The following ZNF804B variants were observed in gnomAD, a reference collection of about 807,000 sequenced individuals.
ZNF804B encodes zinc finger 804B.
In ZNF804B, 80 loss-of-function variants were observed where a neutral mutation model predicts 101.4. The ratio of observed to expected loss-of-function variants is 0.79; its 90% CI spans 0.66 to 0.95. The LOEUF (loss-of-function observed/expected upper bound fraction) is 0.95, where lower values mean the gene tolerates loss of function less well. ZNF804B is among the 40% of genes least tolerant of loss of function. ZNF804B has a pLI of 0.00. For missense variants in ZNF804B, 1,673 were observed against 1,561.9 expected (o/e 1.07, Z -1.20); for synonymous variants, 622 against 558.8 (o/e 1.11, Z -1.59).
At chr7:88,850,455 A>T (rs940432502) in intron 1 of ZNF804B, among the ~76,000 whole-genome samples, 5 of 152,128 alleles carry the variant, frequency 3.3e-5, no homozygotes, top group Admixed American at 2.6e-4. Context: ...GTATATGTGA[A>T]AATCATCTGA....
intron 2 of ZNF804B, among the ~76,000 whole-genome samples, chr7:89,265,508 CAAATT>C (rs1414044816): frequency 6.6e-6 from 1 of 152,114 alleles, no homozygotes; most frequent in Admixed American, 6.5e-5. Flanking sequence ...AGATTGGACT[CAAATT>C]AGTTAAAGCC....
chr7:88,951,038 T>A (rs886701370), intron 1 of ZNF804B, among the ~76,000 whole-genome samples: 6 of 151,882 alleles, frequency 4.0e-5, no homozygotes, highest in African/African-American at 1.4e-4. Context: ...AGTGTTCTTT[T>A]AAATGCCACC....
intron 2 of ZNF804B, among the ~76,000 whole-genome samples, chr7:89,243,918 A>G (rs192807594): frequency 1.4e-3 from 215 of 152,098 alleles, no homozygotes; most frequent in African/African-American, 4.9e-3. Flanking sequence ...AGCAGCTTTT[A>G]TATTTCCAAA....
At chr7:89,149,342 C>T (rs1472283796) in intron 1 of ZNF804B, among the ~76,000 whole-genome samples, 2 of 152,012 alleles carry the variant, frequency 1.3e-5, no homozygotes, top group African/African-American at 4.8e-5. Context: ...AAGCCTTGGT[C>T]AAGAATTTCA....
chr7:88,774,377 C>T (rs1430530243), intron 1 of ZNF804B, among the ~76,000 whole-genome samples: 1 of 151,828 alleles, frequency 6.6e-6, no homozygotes, highest in Non-Finnish European at 1.5e-5. Context: ...AGATGTAAGA[C>T]TGAGAGGAAA....
chr7:88,991,868 A>G (rs1162580203), intron 1 of ZNF804B, among the ~76,000 whole-genome samples: 1 of 152,144 alleles, frequency 6.6e-6, no homozygotes, highest in African/African-American at 2.4e-5. Flanking sequence ...TCTTTCATTC[A>G]ATGGCCTGAA....
chr7:89,085,938 C>T (rs527977514), intron 1 of ZNF804B, among the ~76,000 whole-genome samples: 7 of 152,022 alleles, frequency 4.6e-5, no homozygotes, highest in Admixed American at 1.3e-4. Flanking sequence ...TTTTAAAACA[C>T]GATTGCTTTT....
At chr7:89,230,557 G>A (rs1316509102) in intron 2 of ZNF804B, among the ~76,000 whole-genome samples, 1 of 152,062 alleles carries the variant, frequency 6.6e-6, no homozygotes, top group Non-Finnish European at 1.5e-5. Flanking sequence ...AAGACGGTAT[G>A]GTATCGTCAA....
chr7:88,780,386 CTT>C lies in ZNF804B; in HGVS notation c.108+20321_108+20322del, dbSNP rs34619990. ...AAATTAATGGTAAATACTTTTTTGT[CTT>C]TTTTTTTTTTTTTTTTTTGAGAGAG... On this transcript the variant is annotated intron_variant, in intron 1 of 3. Transcript: ENST00000333190. 6.7e-4 allele frequency among the ~76,000 whole-genome samples: 75 copies of C among 111,172 alleles called. 1 individual carries two copies. The highest frequency in any genetic ancestry group is 1.4e-3 in the African/African-American group (40 of 28,576). 72.9% of individuals were successfully genotyped at this position (111,172 alleles called of 152,430 possible).
intron 2 of ZNF804B, among the ~76,000 whole-genome samples, chr7:89,266,877 T>TTGTGTGTGTGTGTGTG (rs66604616): frequency 0.079 from 11,885 of 150,906 alleles, 552 homozygotes; most frequent in Non-Finnish European, 0.1. Flanking sequence ...GTGTCTGTGT[T>TTGTGTGTGTGTGTGTG]TGTGTGTGTG....
At chr7:89,152,175 T>C (rs1790887481) in intron 1 of ZNF804B, among the ~76,000 whole-genome samples, 1 of 152,010 alleles carries the variant, frequency 6.6e-6, no homozygotes, top group Non-Finnish European at 1.5e-5. Context: ...CTATTTTAAG[T>C]GAGATAAGAG....
intron 2 of ZNF804B, among the ~76,000 whole-genome samples, chr7:89,314,791 T>G (rs1790696710): frequency 6.6e-6 from 1 of 152,168 alleles, no homozygotes; most frequent in Non-Finnish European, 1.5e-5. Context: ...TTCTTAATAC[T>G]TACACTGTCT....
chr7:89,155,506 C>G (rs71557030), intron 1 of ZNF804B, among the ~76,000 whole-genome samples: 5,040 of 152,266 alleles, frequency 0.033, 115 homozygotes, highest in South Asian at 0.091. Context: ...ATCCTCAGAT[C>G]TGTCCTGTAC....
At chr7:89,287,638 T>C (rs991438059) in intron 2 of ZNF804B, among the ~76,000 whole-genome samples, 8 of 152,152 alleles carry the variant, frequency 5.3e-5, no homozygotes, top group Non-Finnish European at 8.8e-5. Context: ...TGGCTAACTT[T>C]TGAGTTGCTC....
At chr7:88,858,457 T>C (rs989074369) in intron 1 of ZNF804B, among the ~76,000 whole-genome samples, 5 of 152,168 alleles carry the variant, frequency 3.3e-5, no homozygotes, top group Non-Finnish European at 5.9e-5. Context: ...AAGCCATTAC[T>C]TTTTATACAG....
chr7:89,034,144 A>G (rs1398002050), intron 1 of ZNF804B, among the ~76,000 whole-genome samples: 1 of 152,174 alleles, frequency 6.6e-6, no homozygotes. Flanking sequence ...TTCACTTAAT[A>G]AGCATTTATT....
At chr7:88,778,371 G>T (rs1413076211) in intron 1 of ZNF804B, among the ~76,000 whole-genome samples, 1 of 152,174 alleles carries the variant, frequency 6.6e-6, no homozygotes, top group Non-Finnish European at 1.5e-5. Context: ...AAGGTCTTTA[G>T]TTTTAATCCC....
rs146012438 is a variant in ZNF804B at position 89,320,380 on chromosome 7, A to G, written c.250-6964A>G. Among the ~76,000 whole-genome samples, 822 of 152,256 alleles carry G rather than the reference A, an allele frequency of 5.4e-3. 11 individuals carry two copies. The highest frequency in any genetic ancestry group is 0.019 in the African/African-American group (785 of 41,560). The stretch of plus-strand genomic sequence containing the variant: ...AAACTAAAAACATGGTATCAAAGAT[A>G]AAGAATTTTTCTGATAGTCTTATCT... On this transcript the variant is annotated intron_variant, in intron 2 of 3. Coordinates refer to ENST00000333190, the MANE Select transcript of ZNF804B (RefSeq NM_181646.5).
intron 1 of ZNF804B, among the ~76,000 whole-genome samples, chr7:88,821,671 T>C (rs1008100298): frequency 1.3e-5 from 2 of 152,154 alleles, no homozygotes; most frequent in Admixed American, 6.5e-5. Flanking sequence ...TAGAAAAATA[T>C]TGGCTTCTTT....
Sources: gnomAD v4.1 joint callset for allele counts (sites outside exome capture counted in the v4.1 genomes callset) on GRCh38, gnomAD v4.1.1 for gene constraint, MANE v1.5 for transcripts, NCBI Gene and HGNC (gene_info 2026-07-23, HGNC 2026-07-21) for gene names.